The following SPTY2D1 variants were observed in gnomAD, a reference collection of about 807,000 sequenced individuals.
SPTY2D1 encodes protein SPT2 homolog.
Under a neutral mutation model 64.0 loss-of-function variants are expected in SPTY2D1, and 21 were observed. The ratio of observed to expected loss-of-function variants is 0.33; its 90% confidence interval spans 0.23 to 0.47. The LOEUF (loss-of-function observed/expected upper bound fraction) is 0.47. SPTY2D1 is among the 20% of genes least tolerant of loss of function. SPTY2D1 has a pLI of 1.00. For synonymous variants in SPTY2D1, 287 were observed against 286.8 expected, an observed-to-expected ratio of 1.00 and a Z score of -0.01; for missense variants, 724 against 837.2, an observed-to-expected ratio of 0.86 and a Z score of 1.67.
Position 18,612,081 on chromosome 11 carries a change from C to T in SPTY2D1, c.1886+233G>A. On this transcript the variant is annotated intron_variant, in intron 4 of 5. Transcript: ENST00000336349. The surrounding 1 kb of genome is among the most constrained non-coding windows in gnomAD (Gnocchi z 4.6). ...CTAAATATATATCTTATAAGAATAA[C>T]AATTTAAAAGGGTTATTTTTTGTTC... The T allele has an allele frequency of 2.9e-6, 1 of 343,130 alleles. No homozygotes were observed. Among genetic ancestry groups the T allele is most frequent in the Non-Finnish European group, 5.1e-6 (1 of 194,272 alleles). 21.3% of individuals were successfully genotyped at this position (343,130 alleles called of 1,614,324 possible).
At chr11:18,626,159 T>C (rs1221747605) in intron 1 of SPTY2D1, among the ~76,000 whole-genome samples, 2 of 152,144 alleles carry the variant, frequency 1.3e-5, no homozygotes, top group Non-Finnish European at 1.5e-5. Flanking sequence ...CTCCAACACT[T>C]GGATCTCTAG....
rs1854218666 is a variant in SPTY2D1, at chr11:18,612,244, T to C, written c.1886+70A>G. On this transcript the variant is annotated intron_variant, in intron 4 of 5. Coordinates refer to ENST00000336349, the MANE Select transcript of SPTY2D1 (RefSeq NM_194285.3). The surrounding 1 kb of genome is among the most constrained non-coding windows in gnomAD (Gnocchi z 4.6). The stretch of plus-strand genomic sequence containing the variant: ...TTCAGTGCCTCCACTATTAGTTTAT[T>C]ACCCCATGACATGAATTATTCAAAA... The C allele has an allele frequency of 2.1e-5, 28 of 1,310,104 alleles. No homozygotes were observed. The highest frequency in any genetic ancestry group is 2.7e-5 in the Non-Finnish European group (26 of 963,062). 81.2% of individuals were successfully genotyped at this position (1,310,104 alleles called of 1,614,324 possible). A position where few individuals can be genotyped will look rare whatever the true frequency, so the allele number is the denominator to read the frequency against.
intron 1 of SPTY2D1, among the ~76,000 whole-genome samples, chr11:18,625,754 AT>A (rs1854485275): frequency 4.5e-5 from 1 of 22,252 alleles, no homozygotes. Context: ...TTTTGTAGAG[AT>A]TGGGGGGGGG....
chr11:18,632,473 C>T (rs1004090025), intron 1 of SPTY2D1, among the ~76,000 whole-genome samples: 2 of 152,012 alleles, frequency 1.3e-5, no homozygotes, highest in African/African-American at 4.8e-5. Context: ...CTCAGCCTCC[C>T]AAGTAGCTGG....
At position 18,622,101 on chromosome 11, in the gene SPTY2D1, A is replaced by AAAC. The variant is rs1554988499; in HGVS notation, c.61-5113_61-5112insGTT. ...GACCCTATCTCAAAAAAAAAAAAAAAAAACCAAAACCAAAACCAAAAAAAC... is the reference window on the plus strand; with the variant it reads ...GACCCTATCTCAAAAAAAAAAAAAAAAACAAACCAAAACCAAAACCAAAAAAAC... On this transcript the variant is annotated intron_variant, in intron 1 of 5. Coordinates refer to ENST00000336349, the MANE Select transcript of SPTY2D1 (RefSeq NM_194285.3). Among the ~76,000 whole-genome samples the AAAC allele has an allele frequency of 3.7e-4, 30 of 81,284 alleles. 4 individuals are homozygous for AAAC. The highest frequency in any genetic ancestry group is 1.6e-3 in the South Asian group (3 of 1,878). 53.3% of individuals were successfully genotyped at this position (81,284 alleles called of 152,430 possible).
rs1854224272 is a variant in SPTY2D1, at chr11:18,612,583, T to C, written c.1712-95A>G. On this transcript the variant is annotated intron_variant, in intron 3 of 5. Transcript: ENST00000336349. The surrounding 1 kb of genome is among the most constrained non-coding windows in gnomAD (Gnocchi z 4.6). ...ATTGTGAGTCATCATTAAGATGGTA[T>C]CCTTTAAAACCAGAGCAAGCAGGCT... 1.7e-6 allele frequency: 2 copies of C among 1,176,944 alleles called. No individual in the cohort carries two copies. The highest frequency in any genetic ancestry group is 3.0e-5 in the Admixed American group (1 of 33,788). The allele number at this position is 1,176,944 out of a possible 1,614,324, so 72.9% of individuals were successfully genotyped here. A position where few individuals can be genotyped will look rare whatever the true frequency, so the allele number is the denominator to read the frequency against.
intron 1 of SPTY2D1, 79 bp downstream of exon 1, chr11:18,634,119 C>T: frequency 2.6e-6 from 4 of 1,537,502 alleles, no homozygotes; most frequent in East Asian, 4.5e-5. Context: ...AGGCGGCTGC[C>T]CAGAAGTTCC....
chr11:18,621,651 T>C (rs538039911), intron 1 of SPTY2D1, among the ~76,000 whole-genome samples: 4 of 152,256 alleles, frequency 2.6e-5, no homozygotes, highest in Non-Finnish European at 5.9e-5. Context: ...ACTCAATAAA[T>C]CTATACAATG....
At chr11:18,633,622 T>C (rs1054890705) in intron 1 of SPTY2D1, among the ~76,000 whole-genome samples, 1 of 152,214 alleles carries the variant, frequency 6.6e-6, no homozygotes. Flanking sequence ...AAGGATTTCG[T>C]GGAATCTGCT....
intron 1 of SPTY2D1, among the ~76,000 whole-genome samples, chr11:18,627,258 C>CAAAAAAAAAA (rs1192277676): frequency 3.1e-4 from 15 of 48,564 alleles, no homozygotes; most frequent in African/African-American, 5.6e-4. Flanking sequence ...ACTAAAAATA[C>CAAAAAAAAAA]AAAAAAAAAA....
At chr11:18,623,892 G>T (rs1285387106) in intron 1 of SPTY2D1, among the ~76,000 whole-genome samples, 1 of 152,044 alleles carries the variant, frequency 6.6e-6, no homozygotes, top group Non-Finnish European at 1.5e-5. Flanking sequence ...CTTCCTTTTT[G>T]TGGCTGAATA....
At position 18,609,871 on chromosome 11, in the gene SPTY2D1, T is replaced by C. The variant is rs768668871; in HGVS notation, c.2048A>G (p.Lys683Arg). Residue 683 changes from lysine to arginine, a missense_variant, in exon 6 of 6, where the codon AAG becomes AGG. Around this residue, in one of 3 missense-constraint regions of SPTY2D1, gnomAD observed 119 missense variants for 172.9 expected, o/e 0.69. Coordinates refer to ENST00000336349, the MANE Select transcript of SPTY2D1 (RefSeq NM_194285.3). The stretch of plus-strand genomic sequence containing the variant: ...AAATAAAAGCAGCAGCTAACGCCTC[T>C]TCAGCTTCTTGGCCCTTCGACGTTG... Reference protein sequence around the residue: ...EMQRRRAKKLKRR With the variant: ...EMQRRRAKKLRRR 14 of 1,614,086 alleles carry C rather than the reference T, an allele frequency of 8.7e-6. No individual in the cohort carries two copies. The highest frequency in any genetic ancestry group is 9.3e-6 in the Non-Finnish European group (11 of 1,180,028).
At position 18,616,912 on chromosome 11, in the gene SPTY2D1, A is replaced by C. The variant is rs1414614155; in HGVS notation, c.138T>G (p.Ala46=). ...VKGVQSAAVQ[A]FLKRKEEELR... is the part of the protein sequence containing the mutation. The stretch of plus-strand genomic sequence containing the variant: ...GCTCCTCTTCTTTCCTTTTAAGAAA[A>C]GCTTGTACAGCTGCTGATTGGACAC... Residue 46 remains alanine, a synonymous_variant, in exon 2 of 6, where the codon GCT becomes GCG. Transcript: ENST00000336349. 1.2e-6 allele frequency: 2 copies of C among 1,614,060 alleles called. No individual in the cohort carries two copies. The highest frequency in any genetic ancestry group is 8.5e-7 in the Non-Finnish European group (1 of 1,180,038).
At chr11:18,619,898 G>A (rs1394967601) in intron 1 of SPTY2D1, among the ~76,000 whole-genome samples, 2 of 152,158 alleles carry the variant, frequency 1.3e-5, no homozygotes, top group African/African-American at 4.8e-5. Flanking sequence ...ATTTTAAACA[G>A]GACTGGTTTG....
chr11:18,633,049 C>G (rs1009110258), intron 1 of SPTY2D1, among the ~76,000 whole-genome samples: 1 of 152,110 alleles, frequency 6.6e-6, no homozygotes, highest in Non-Finnish European at 1.5e-5. Flanking sequence ...GCTTATGACT[C>G]ACGGCTTAGA....
At chr11:18,627,882 A>G (rs1267952011) in intron 1 of SPTY2D1, among the ~76,000 whole-genome samples, 2 of 151,236 alleles carry the variant, frequency 1.3e-5, no homozygotes, top group Non-Finnish European at 3.0e-5. Flanking sequence ...CCGTCTCAAA[A>G]AAAAAAAATA....
In SPTY2D1 at chr11:18,615,238, A is replaced by T. The variant is rs1360027908; in HGVS notation, c.1036T>A (p.Ser346Thr). The T allele has an allele frequency of 6.2e-7, 1 of 1,614,176 alleles. No individual in the cohort carries two copies. The highest frequency in any genetic ancestry group is 1.1e-5 in the South Asian group (1 of 91,092). The change falls in exon 3 of 6, where the codon TCC becomes ACC. Residue 346 changes from serine (S) to threonine (T), a missense_variant. Physicochemically the swap from Ser to Thr is moderately conservative, Grantham distance 58 (BLOSUM62 1). This residue lies in a region of SPTY2D1 where 426 missense variants were observed against 431.8 expected (regional missense o/e 0.99). Coordinates refer to ENST00000336349, the MANE Select transcript of SPTY2D1 (RefSeq NM_194285.3). ...CCAGGCCTGGAATGGCTAGGATGGG[A>T]CAGAGATTTTTTGGCTTTGTGCTCA... ...AVEHKAKKSL[S>T]HPSHSRPGPM...
rs1320584202 is a variant in SPTY2D1, at chr11:18,606,683, T to C, written c.*3178A>G. ...ATAGTAGTCTAATATATTCAATACA[T>C]TGAAAATAAAACAACCAGTCTCTCT... On this transcript the variant is annotated 3_prime_UTR_variant, in exon 6 of 6. Transcript: ENST00000336349. 3 of 411,300 alleles carry C rather than the reference T, an allele frequency of 7.3e-6. No individual in the cohort carries two copies. The highest frequency in any genetic ancestry group is 3.5e-5 in the Admixed American group (1 of 28,426). The allele number at this position is 411,300 out of a possible 1,614,324, so 25.5% of individuals were successfully genotyped here.
rs971680587 is a variant in SPTY2D1, at chr11:18,607,791, A to G, written c.*2070T>C. On this transcript the variant is annotated 3_prime_UTR_variant, in exon 6 of 6. Coordinates refer to ENST00000336349, the MANE Select transcript of SPTY2D1 (RefSeq NM_194285.3). ...ACATTTATATTATAGAAATGCACTC[A>G]GAAGTAACAGACACACAAGGTTAAA... The G allele has an allele frequency of 6.6e-6, 1 of 152,226 alleles. No individual in the cohort carries two copies. Among genetic ancestry groups the G allele is most frequent in the Non-Finnish European group, 1.5e-5 (1 of 68,040 alleles). The allele number at this position is 152,226 out of a possible 1,614,324, so 9.4% of individuals were successfully genotyped here. A position where few individuals can be genotyped will look rare whatever the true frequency, so the allele number is the denominator to read the frequency against.
Sources: allele counts gnomAD v4.1 joint callset (sites outside exome capture counted in the v4.1 genomes callset), GRCh38; gene constraint gnomAD v4.1.1; regional missense constraint gnomAD v4.1.1; non-coding constraint Gnocchi (gnomAD v3.1); transcripts MANE v1.5; gene names NCBI Gene and HGNC (gene_info 2026-07-23, HGNC 2026-07-21).